The following HSPA9 variants were observed in gnomAD, a reference collection of about 807,000 sequenced individuals.
HSPA9 encodes stress-70 protein, mitochondrial.
HSPA9 carries 28 observed loss-of-function variants against 81.5 expected under a neutral mutation model. The ratio of observed to expected loss-of-function variants is 0.34; its 90% CI spans 0.25 to 0.47. The LOEUF (loss-of-function observed/expected upper bound fraction) is 0.47. Ranked by LOEUF, HSPA9 falls within the 20% of genes least tolerant of loss-of-function variation. HSPA9 has a pLI of 1.00. For synonymous variants in HSPA9, 293 were observed against 290.4 expected (o/e 1.01, Z -0.09); for missense variants, 678 against 838.0 (o/e 0.81, Z 2.36).
At position 138,571,358 on chromosome 5, in the gene HSPA9, T is replaced by G. The variant is rs539847051; in HGVS notation, c.229-217A>C. On this transcript the variant is annotated intron_variant, in intron 3 of 16. Coordinates refer to ENST00000297185, the MANE Select transcript of HSPA9 (RefSeq NM_004134.7). ...ACCACACCAAGCTAATTTTTCGGCA[T>G]TTTTTAGTAGAGACGGGGGTTTCAC... 2.6e-5 allele frequency among the ~76,000 whole-genome samples: 4 copies of G among 152,194 alleles called. No individual in the cohort carries two copies. The South Asian group carries it at 8.3e-4, about 32-fold the overall frequency.
At chr5:138,556,952 T>C in intron 14 of HSPA9, 86 bp from the exon 15 acceptor site, 1 of 881,782 alleles carries the variant, frequency 1.1e-6, no homozygotes, top group South Asian at 1.3e-5. Context: ...AGCTATGTGT[T>C]ACATACAGTT....
chr5:138,565,519 T>A (rs944507563), intron 9 of HSPA9, among the ~76,000 whole-genome samples: 2 of 152,186 alleles, frequency 1.3e-5, no homozygotes, highest in Admixed American at 6.5e-5. Context: ...ACACCGGAAA[T>A]AGATCTGCTG....
chr5:138,556,006 T>C lies in HSPA9; in HGVS notation c.*31A>G. The stretch of plus-strand genomic sequence containing the variant: ...CTCTTCACTCCTAAGCTTCATATGT[T>C]GTCCTTCTGGCTTCAAAATTTCTGC... On this transcript the variant is annotated 3_prime_UTR_variant, in exon 17 of 17. Coordinates refer to ENST00000297185, the MANE Select transcript of HSPA9 (RefSeq NM_004134.7). 7 of 1,513,392 alleles carry C rather than the reference T, an allele frequency of 4.6e-6. No homozygotes were observed. Among genetic ancestry groups the C allele is most frequent in the Non-Finnish European group, 6.4e-6 (7 of 1,088,818 alleles). 93.7% of individuals were successfully genotyped at this position (1,513,392 alleles called of 1,614,324 possible). A position where few individuals can be genotyped will look rare whatever the true frequency, so the allele number is the denominator to read the frequency against.
In HSPA9 at chr5:138,557,324, A is replaced by G. The variant is rs1327749110; in HGVS notation, c.1728+78T>C. 18 of 972,360 alleles carry G rather than the reference A, an allele frequency of 1.9e-5. No individual in the cohort carries two copies. In the South Asian group the frequency reaches 2.2e-4, roughly 12 times the overall value. 60.2% of individuals were successfully genotyped at this position (972,360 alleles called of 1,614,324 possible). ...AGTGCTGGGATTACAGGAGTGAGAC[A>G]CTGCGCCCAGCCCCAAACTCCCACT... is the stretch of plus-strand genomic sequence containing the variant. On this transcript the variant is annotated intron_variant, in intron 14 of 16. Coordinates refer to ENST00000297185, the MANE Select transcript of HSPA9 (RefSeq NM_004134.7).
intron 9 of HSPA9, among the ~76,000 whole-genome samples, chr5:138,562,990 A>G (rs1580745063): frequency 6.6e-6 from 1 of 152,378 alleles, no homozygotes; most frequent in East Asian, 1.9e-4. Flanking sequence ...GGGATCTTAC[A>G]GTGTGTAACT....
intron 3 of HSPA9, among the ~76,000 whole-genome samples, chr5:138,573,182 T>C (rs1022794774): frequency 1.8e-4 from 28 of 152,258 alleles, no homozygotes; most frequent in African/African-American, 6.7e-4. Flanking sequence ...TGTGAGCCAC[T>C]GTACCCGGCC....
rs776014068 is a variant in HSPA9 at position 138,575,295 on chromosome 5, T to C, written c.24A>G (p.Ala8=). ...CTGCGGCGCCCACGAGACGGGCTGC[T>C]GCAGCTCGGCTGGCACTTATCATGG... MISASRA[A]AARLVGAAAS... Residue 8 remains alanine, a synonymous_variant, in exon 1 of 17, where the codon GCA becomes GCG. Coordinates refer to ENST00000297185, the MANE Select transcript of HSPA9 (RefSeq NM_004134.7). 34 of 1,611,930 alleles carry C rather than the reference T, an allele frequency of 2.1e-5. No individual in the cohort carries two copies. The highest frequency in any genetic ancestry group is 2.8e-5 in the Non-Finnish European group (33 of 1,179,566).
chr5:138,558,781 A>G, intron 11 of HSPA9, 124 bp from the exon 12 acceptor site: 1 of 712,866 alleles, frequency 1.4e-6, no homozygotes, highest in South Asian at 1.5e-5. Context: ...GTATGTTCAG[A>G]ACAAAGGCTG....
intron 9 of HSPA9, among the ~76,000 whole-genome samples, chr5:138,563,882 C>T (rs1290694221): frequency 1.3e-5 from 2 of 152,226 alleles, no homozygotes; most frequent in Non-Finnish European, 2.9e-5. Flanking sequence ...GACAAGCCTG[C>T]TCTAGCCTCA....
chr5:138,574,432 C>T (rs1222059142), intron 1 of HSPA9, among the ~76,000 whole-genome samples: 2 of 152,170 alleles, frequency 1.3e-5, no homozygotes, highest in Non-Finnish European at 2.9e-5. Context: ...ATAAGCACCC[C>T]AGTAAGTAAG....
At chr5:138,566,528 A>AAAC in intron 9 of HSPA9, 98 bp downstream of exon 9, 1 of 899,078 alleles carries the variant, frequency 1.1e-6, no homozygotes, top group East Asian at 2.4e-5. Context: ...AACAAAAAAA[A>AAAC]CTCAACTGAC....
chr5:138,559,758 CAGAT>C (rs1750612474), intron 11 of HSPA9, 102 bp downstream of exon 11: 1 of 777,884 alleles, frequency 1.3e-6, no homozygotes, highest in Non-Finnish European at 2.3e-6. Context: ...AACTGTAAAA[CAGAT>C]AAAAATGAAG....
intron 9 of HSPA9, among the ~76,000 whole-genome samples, chr5:138,563,864 G>A (rs1750707671): frequency 6.6e-6 from 1 of 152,216 alleles, no homozygotes; most frequent in Admixed American, 6.5e-5. Context: ...ATTCTAGGCT[G>A]CAGGTTGGAC....
intron 11 of HSPA9, 50 bp downstream of exon 11, chr5:138,559,814 G>T: frequency 1.6e-6 from 2 of 1,245,996 alleles, no homozygotes; most frequent in Non-Finnish European, 2.4e-6. Context: ...AATTACATCC[G>T]TCATAGAACC....
In HSPA9 at chr5:138,558,076, T is replaced by G; in HGVS notation, c.1516-90A>C. On this transcript the variant is annotated intron_variant, in intron 12 of 16. Transcript: ENST00000297185. ...TCTATATGGTTTTCTAGTAAACAAG[T>G]CACTTGGTTCCTGGGAGAAACAAGT... The G allele has an allele frequency of 3.4e-6, 3 of 880,100 alleles. No homozygotes were observed. In the South Asian group the frequency reaches 4.0e-5, roughly 12 times the overall value. 54.5% of individuals were successfully genotyped at this position (880,100 alleles called of 1,614,324 possible).
At chr5:138,560,114 C>G in intron 10 of HSPA9, 23 bp from the exon 11 acceptor site, 1 of 1,586,786 alleles carries the variant, frequency 6.3e-7, no homozygotes, top group South Asian at 1.1e-5. Context: ...GAAAAAGAAC[C>G]TGTCGGCCCA....
chr5:138,573,687 A>C (rs1300309849), intron 3 of HSPA9, 76 bp downstream of exon 3: 10 of 795,404 alleles, frequency 1.3e-5, no homozygotes, highest in African/African-American at 3.5e-5. Flanking sequence ...CAGGTTCTCA[A>C]ATTCCTTAAC....
chr5:138,560,795 G>A (rs190735671), intron 10 of HSPA9: 10 of 386,616 alleles, frequency 2.6e-5, no homozygotes, highest in Admixed American at 1.5e-4. Context: ...TGATCCGCCC[G>A]CCTTGGCCTC....
rs1164369813 is a variant in HSPA9, at chr5:138,567,443, G to A, written c.716+12C>T. The A allele has an allele frequency of 3.8e-6, 6 of 1,592,410 alleles. No homozygotes were observed. In the African/African-American group the frequency reaches 5.4e-5, roughly 14 times the overall value. ...CACACATCCAGGTGAGAAATTTACTGCACAAACTTACACTTTGTCTTCTGA... is the reference window on the plus strand; with the variant it reads ...CACACATCCAGGTGAGAAATTTACTACACAAACTTACACTTTGTCTTCTGA... On this transcript the variant is annotated intron_variant, in intron 7 of 16. Coordinates refer to ENST00000297185, the MANE Select transcript of HSPA9 (RefSeq NM_004134.7).
Sources: allele counts gnomAD v4.1 joint callset (sites outside exome capture counted in the v4.1 genomes callset), GRCh38; gene constraint gnomAD v4.1.1; transcripts MANE v1.5; gene names NCBI Gene and HGNC (gene_info 2026-07-23, HGNC 2026-07-21).